RBL1: variants seen among roughly 807,000 people sequenced by gnomAD.
RBL1 encodes RB transcriptional corepressor like 1, also known as retinoblastoma-like protein 1.
A neutral mutation model predicts 123.0 loss-of-function variants in RBL1; 82 were observed. That is an observed-to-expected ratio of 0.67 (90% CI 0.56 to 0.80). The LOEUF is 0.80. RBL1 is among the 30% of genes least tolerant of loss of function. The pLI, the probability that RBL1 is intolerant of heterozygous loss-of-function variation, is 0.00. For synonymous variants in RBL1, 405 were observed against 441.3 expected, an observed-to-expected ratio of 0.92 and a Z score of 1.03; for missense variants, 1,171 against 1,299.6, an observed-to-expected ratio of 0.90 and a Z score of 1.52.
intron 18 of RBL1, among the ~76,000 whole-genome samples, 174 bp from the exon 19 acceptor site, chr20:37,018,543 A>G (rs1266624309): frequency 6.6e-6 from 1 of 152,242 alleles, no homozygotes; most frequent in African/African-American, 2.4e-5. Context: ...CACATACCAT[A>G]AAAGAGGGGA....
intron 17 of RBL1, among the ~76,000 whole-genome samples, chr20:37,021,557 G>A (rs2064340698): frequency 6.6e-6 from 1 of 151,070 alleles, no homozygotes; most frequent in Non-Finnish European, 1.5e-5. Flanking sequence ...TGATTCTCCT[G>A]CCTCAGCCTC....
chr20:37,001,891 G>A lies in RBL1; in HGVS notation c.3036+1811C>T, dbSNP rs1600434124. On this transcript the variant is annotated intron_variant, in intron 21 of 21. Coordinates refer to ENST00000373664, the MANE Select transcript of RBL1 (RefSeq NM_002895.5). ...GAAAAGATGTCCATGAGGTAGAGTT[G>A]AATTAAAATAGCAGGTTGCAGAACA... is the stretch of plus-strand genomic sequence containing the variant. Among the ~76,000 whole-genome samples the A allele has an allele frequency of 5.3e-5, 6 of 113,114 alleles. No homozygotes were observed. In the South Asian group the frequency reaches 1.6e-3, roughly 31 times the overall value. 74.2% of individuals were successfully genotyped at this position (113,114 alleles called of 152,430 possible).
chr20:37,032,874 C>T lies in RBL1; in HGVS notation c.2173G>A (p.Val725Ile), dbSNP rs2064537176. The part of the protein sequence containing the change: ...GHKVTIPLHG[V>I]ANDAGEITLI... ...GTGATCTCTCCAGCATCATTTGCGA[C>T]ACCTGAATGTATAAGCATTATTAGA... The change falls in exon 16 of 22, where the codon GTC (valine) becomes ATC (isoleucine). Residue 725 changes from valine to isoleucine, a missense_variant and splice_region_variant. Coordinates refer to ENST00000373664, the MANE Select transcript of RBL1 (RefSeq NM_002895.5). 1.9e-6 allele frequency: 3 copies of T among 1,613,806 alleles called. No individual in the cohort carries two copies. The highest frequency in any genetic ancestry group is 2.5e-6 in the Non-Finnish European group (3 of 1,179,950).
chr20:37,021,132 CTCAA>C (rs1361889544), intron 17 of RBL1, among the ~76,000 whole-genome samples: 1 of 152,158 alleles, frequency 6.6e-6, no homozygotes, highest in Non-Finnish European at 1.5e-5. Flanking sequence ...AGTGATGATT[CTCAA>C]TCAAACTGAG....
chr20:37,095,162 G>C (rs1205534756), intron 1 of RBL1, among the ~76,000 whole-genome samples: 1 of 152,206 alleles, frequency 6.6e-6, no homozygotes, highest in East Asian at 1.9e-4. Context: ...TGACGGAGGA[G>C]GAAACGTAGG....
At chr20:37,052,980 T>A (rs1304234255) in intron 11 of RBL1, among the ~76,000 whole-genome samples, 4 of 152,102 alleles carry the variant, frequency 2.6e-5, no homozygotes, top group Non-Finnish European at 5.9e-5. Flanking sequence ...AGTCAATTCA[T>A]CAAGAAGGCA....
At chr20:37,055,772 G>A (rs2064993733) in intron 10 of RBL1, 116 bp from the exon 11 acceptor site, 1 of 1,045,714 alleles carries the variant, frequency 9.6e-7, no homozygotes, top group Non-Finnish European at 1.3e-6. Flanking sequence ...GGGCAGGCCG[G>A]GAATGGTGGC....
chr20:37,007,351 A>T, intron 20 of RBL1, 60 bp downstream of exon 20: 1 of 1,546,474 alleles, frequency 6.5e-7, no homozygotes, highest in Non-Finnish European at 8.8e-7. Flanking sequence ...AGCAAAATAA[A>T]CTTATAGTAA....
chr20:37,018,472 T>C (rs1600472906), intron 18 of RBL1, 103 bp from the exon 19 acceptor site: 2 of 1,436,736 alleles, frequency 1.4e-6, no homozygotes, highest in South Asian at 3.1e-5. Context: ...AAAAACTATT[T>C]GTCTGTATAA....
Position 37,095,847 on chromosome 20 carries a change from G to C in RBL1, c.82C>G (p.Leu28Val). The change falls in exon 1 of 22, where the codon CTG (leucine) becomes GTG (valine). Residue 28 changes from leucine (L) to valine (V), a missense_variant. Coordinates refer to ENST00000373664, the MANE Select transcript of RBL1 (RefSeq NM_002895.5). ...GEALQALCQELNLDEGSAAEA... is the reference protein window; with the variant it reads ...GEALQALCQEVNLDEGSAAEA... ...GCCGCGCTCCCCTCGTCCAGGTTCA[G>C]CTCCTGGCACAGGGCCTGTAGCGCC... 1 of 1,608,370 alleles carries C rather than the reference G, an allele frequency of 6.2e-7. No homozygotes were observed. Among genetic ancestry groups the C allele is most frequent in the Middle Eastern group, 2.1e-4 (1 of 4,846 alleles).
chr20:37,067,377 A>G (rs914276331), intron 3 of RBL1, 80 bp from the exon 4 acceptor site: 3 of 1,031,568 alleles, frequency 2.9e-6, no homozygotes, highest in African/African-American at 3.3e-5. Context: ...TGTAAATATC[A>G]AATAGATCAA....
chr20:37,062,382 T>C, intron 7 of RBL1, 112 bp from the exon 8 acceptor site: 1 of 1,445,544 alleles, frequency 6.9e-7, no homozygotes, highest in Non-Finnish European at 9.1e-7. Flanking sequence ...TTTCTAATTT[T>C]TATTAACTCT....
In RBL1 at chr20:36,996,805, T is replaced by C. The variant is rs1342816943; in HGVS notation, c.*1954A>G. On this transcript the variant is annotated 3_prime_UTR_variant, in exon 22 of 22. Transcript: ENST00000373664. ...TTTTGCACAATAATGAAGATAAAAA[T>C]AACAATTATAGCAACATACAAATAT... 6.6e-6 allele frequency: 1 copy of C among 152,152 alleles called. No homozygotes were observed. The highest frequency in any genetic ancestry group is 1.9e-4 in the East Asian group (1 of 5,200). The allele number at this position is 152,152 out of a possible 1,614,324, so 9.4% of individuals were successfully genotyped here.
At chr20:37,003,316 A>C (rs927543925) in intron 21 of RBL1, among the ~76,000 whole-genome samples, 4 of 152,178 alleles carry the variant, frequency 2.6e-5, no homozygotes, top group Non-Finnish European at 5.9e-5. Context: ...ACGTAAGAGG[A>C]GGCTTGTGTT....
At chr20:37,000,158 A>G (rs1227636128) in intron 21 of RBL1, among the ~76,000 whole-genome samples, 2 of 146,552 alleles carry the variant, frequency 1.4e-5, no homozygotes, top group Non-Finnish European at 3.0e-5. Context: ...CTGAGAAGTG[A>G]GGAGACCCTC....
At chr20:37,024,224 A>G (rs964052385) in intron 16 of RBL1, among the ~76,000 whole-genome samples, 1 of 152,198 alleles carries the variant, frequency 6.6e-6, no homozygotes, top group Non-Finnish European at 1.5e-5. Flanking sequence ...AGAGACAAAC[A>G]GTTGACTCCA....
intron 2 of RBL1, among the ~76,000 whole-genome samples, chr20:37,071,946 T>G (rs563744779): frequency 4.0e-4 from 61 of 152,128 alleles, no homozygotes; most frequent in Admixed American, 7.2e-4. Flanking sequence ...TGCAGAACCC[T>G]GGGCCAAATA....
intron 2 of RBL1, among the ~76,000 whole-genome samples, chr20:37,088,692 TAA>T (rs560040564): frequency 1.4e-5 from 2 of 143,120 alleles, no homozygotes; most frequent in Non-Finnish European, 1.5e-5. Flanking sequence ...CCATCTCTAC[TAA>T]AAAAAAAAAA....
chr20:37,071,993 A>G (rs2065288523), intron 2 of RBL1, among the ~76,000 whole-genome samples: 1 of 152,172 alleles, frequency 6.6e-6, no homozygotes, highest in Non-Finnish European at 1.5e-5. Flanking sequence ...AACCTCAGGT[A>G]TTCCTTCATA....
Sources: allele counts gnomAD v4.1 joint callset (sites outside exome capture counted in the v4.1 genomes callset), GRCh38; gene constraint gnomAD v4.1.1; transcripts MANE v1.5; gene names NCBI Gene and HGNC (gene_info 2026-07-23, HGNC 2026-07-21).